The following CNTN6 variants were observed in gnomAD, a reference collection of about 807,000 sequenced individuals.
CNTN6 encodes the protein contactin-6.
CNTN6 carries 137 observed loss-of-function variants against 122.8 expected under a neutral mutation model. The ratio of observed to expected loss-of-function variants is 1.12; its 90% confidence interval spans 0.97 to 1.29. CNTN6 has a LOEUF of 1.29. Among genes scored for constraint, CNTN6 ranks in the 50% most tolerant of loss-of-function variants. CNTN6 has a pLI of 0.00. For synonymous variants in CNTN6, 570 were observed against 426.0 expected (o/e 1.34, Z -4.16); for missense variants, 1,634 against 1,223.4 (o/e 1.34, Z -5.01).
chr3:1,319,542 T>C, intron 7 of CNTN6, among the ~76,000 whole-genome samples: 1 of 151,576 alleles, frequency 6.6e-6, no homozygotes, highest in Admixed American at 6.6e-5. Flanking sequence ...AAATGACTTC[T>C]GTCTTCACAA....
rs9867365 is a variant in CNTN6 at position 1,099,716 on chromosome 3, T to A, written c.-83+6596T>A. 9.5e-3 allele frequency among the ~76,000 whole-genome samples: 1,452 copies of A among 152,292 alleles called. 25 individuals carry two copies. The highest frequency in any genetic ancestry group is 0.033 in the African/African-American group (1,377 of 41,572). On this transcript the variant is annotated intron_variant, in intron 1 of 22. Transcript: ENST00000446702. ...CTCAGAATTCCTATGTTTCAACAAA[T>A]GTACTTAATTCATCCGCACCTACTA...
intron 3 of CNTN6, among the ~76,000 whole-genome samples, chr3:1,223,192 T>C (rs1200904219): frequency 6.6e-6 from 1 of 152,196 alleles, no homozygotes; most frequent in African/African-American, 2.4e-5. Flanking sequence ...TGAGGTTACC[T>C]GGGTATAGTG....
At chr3:1,218,329 C>A (rs1443099829) in intron 2 of CNTN6, among the ~76,000 whole-genome samples, 1 of 151,936 alleles carries the variant, frequency 6.6e-6, no homozygotes, top group Non-Finnish European at 1.5e-5. Flanking sequence ...AAGAGAGCTC[C>A]CGTGTGATCT....
chr3:1,290,611 G>A (rs751449720), intron 5 of CNTN6, among the ~76,000 whole-genome samples: 3 of 152,194 alleles, frequency 2.0e-5, no homozygotes, highest in Non-Finnish European at 2.9e-5. Context: ...TAAAATGAAA[G>A]CAAGTTTATT....
chr3:1,310,895 G>T (rs1245488299), intron 7 of CNTN6, among the ~76,000 whole-genome samples: 1 of 152,038 alleles, frequency 6.6e-6, no homozygotes, highest in Non-Finnish European at 1.5e-5. Flanking sequence ...CAGCTACTCA[G>T]GTGGCTGAAG....
chr3:1,153,713 T>C (rs539812943), intron 2 of CNTN6, among the ~76,000 whole-genome samples: 40 of 152,246 alleles, frequency 2.6e-4, no homozygotes, highest in African/African-American at 9.4e-4. Context: ...AGCCTTTTAT[T>C]GAATTGAGAG....
At chr3:1,157,442 C>G (rs529784498) in intron 2 of CNTN6, among the ~76,000 whole-genome samples, 1 of 151,856 alleles carries the variant, frequency 6.6e-6, no homozygotes, top group Non-Finnish European at 1.5e-5. Context: ...ATCTTGAACT[C>G]CTGACCTCAG....
chr3:1,142,540 ATATTT>A (rs1399165920), intron 1 of CNTN6, among the ~76,000 whole-genome samples: 2 of 152,162 alleles, frequency 1.3e-5, no homozygotes, highest in African/African-American at 4.8e-5. Flanking sequence ...ACAGCCAAAT[ATATTT>A]TAGAGTTTAG....
intron 2 of CNTN6, among the ~76,000 whole-genome samples, chr3:1,148,825 A>G (rs1235641841): frequency 6.6e-6 from 1 of 152,174 alleles, no homozygotes; most frequent in Non-Finnish European, 1.5e-5. Context: ...CATCTGAGAC[A>G]TGACTAGTCT....
intron 2 of CNTN6, among the ~76,000 whole-genome samples, chr3:1,175,994 G>T (rs1029688991): frequency 2.0e-5 from 3 of 152,150 alleles, no homozygotes; most frequent in Non-Finnish European, 2.9e-5. Flanking sequence ...ACTAAATCTG[G>T]GGTGAGATTG....
chr3:1,219,681 A>G (rs2094179038), intron 2 of CNTN6, among the ~76,000 whole-genome samples: 1 of 152,164 alleles, frequency 6.6e-6, no homozygotes, highest in Admixed American at 6.5e-5. Context: ...AATCAAGGAA[A>G]GACTGTGGAA....
chr3:1,107,372 C>A (rs997004243), intron 1 of CNTN6, among the ~76,000 whole-genome samples: 3 of 152,030 alleles, frequency 2.0e-5, no homozygotes, highest in Admixed American at 1.3e-4. Context: ...TGGTTCAATT[C>A]TATAGATAAT....
At chr3:1,305,633 C>T (rs1049728623) in intron 7 of CNTN6, among the ~76,000 whole-genome samples, 4 of 152,058 alleles carry the variant, frequency 2.6e-5, no homozygotes, top group Admixed American at 2.0e-4. Context: ...TAACTCTATT[C>T]TACTGCTTTT....
chr3:1,369,688 CTT>C (rs1470736064), intron 12 of CNTN6, among the ~76,000 whole-genome samples: 4 of 152,032 alleles, frequency 2.6e-5, no homozygotes, highest in Non-Finnish European at 5.9e-5. Flanking sequence ...TGATCTAAAA[CTT>C]TAAATCTGGG....
At chr3:1,129,014 A>C (rs1374189371) in intron 1 of CNTN6, among the ~76,000 whole-genome samples, 2 of 151,988 alleles carry the variant, frequency 1.3e-5, no homozygotes, top group African/African-American at 4.8e-5. Flanking sequence ...TTTAGTGTTT[A>C]TGTAAATACA....
chr3:1,348,907 G>GGCC (rs1705188805), intron 11 of CNTN6, among the ~76,000 whole-genome samples: 1 of 151,964 alleles, frequency 6.6e-6, no homozygotes, highest in Non-Finnish European at 1.5e-5. Flanking sequence ...TGCAGAACCA[G>GGCC]CTCCCTATAA....
At chr3:1,372,715 G>GTTTCGTGTCTTCCGTAGAA in intron 13 of CNTN6, 123 bp from the exon 14 acceptor site, 1 of 692,484 alleles carries the variant, frequency 1.4e-6, no homozygotes, top group Admixed American at 2.6e-5. Flanking sequence ...AAATGACAAT[G>GTTTCGTGTCTTCCGTAGAA]ATACTAGTAT....
At position 1,312,296 on chromosome 3, in the gene CNTN6, G is replaced by T. The variant is rs540988298; in HGVS notation, c.762-9354G>T. ...TTTCTAAAATTAAACTAATTTAAAG[G>T]TTCTTAAAAATCATCCAAGAAGAAT... On this transcript the variant is annotated intron_variant, in intron 7 of 22. Transcript: ENST00000446702. Among the ~76,000 whole-genome samples the T allele has an allele frequency of 2.0e-5, 3 of 151,294 alleles. No individual in the cohort carries two copies. In the South Asian group the frequency reaches 6.3e-4, roughly 32 times the overall value.
At chr3:1,246,685 A>G (rs1229827677) in intron 4 of CNTN6, among the ~76,000 whole-genome samples, 2 of 152,152 alleles carry the variant, frequency 1.3e-5, no homozygotes, top group African/African-American at 4.8e-5. Flanking sequence ...AATATTTGAT[A>G]TGATCAGTCT....
Sources: allele counts gnomAD v4.1 joint callset (sites outside exome capture counted in the v4.1 genomes callset), GRCh38; gene constraint gnomAD v4.1.1; transcripts MANE v1.5; gene names NCBI Gene and HGNC (gene_info 2026-07-23, HGNC 2026-07-21).